The following CAMK4 variants were observed in gnomAD, a reference collection of about 807,000 sequenced individuals.
CAMK4 encodes the protein calcium/calmodulin-dependent protein kinase type IV.
CAMK4 carries 22 observed loss-of-function variants against 44.9 expected under a neutral mutation model. That is an observed-to-expected ratio of 0.49 (90% confidence interval 0.35 to 0.70). CAMK4 has a LOEUF of 0.70. Among genes scored for constraint, CAMK4 ranks in the 30% least tolerant of loss-of-function variants. The pLI, the probability that CAMK4 is intolerant of heterozygous loss-of-function variation, is 0.01. For missense variants in CAMK4, 498 were observed against 586.8 expected, an observed-to-expected ratio of 0.85 and a Z score of 1.56; for synonymous variants, 218 against 215.4, an observed-to-expected ratio of 1.01 and a Z score of -0.11.
chr5:111,353,278 G>T (rs907350150), intron 2 of CAMK4, among the ~76,000 whole-genome samples: 1 of 151,752 alleles, frequency 6.6e-6, no homozygotes, highest in Non-Finnish European at 1.5e-5. Context: ...GGTTTCTGAG[G>T]CTCAGAGAGG....
intron 1 of CAMK4, among the ~76,000 whole-genome samples, chr5:111,333,650 A>G (rs781507268): frequency 2.6e-5 from 4 of 151,718 alleles, no homozygotes; most frequent in Admixed American, 2.6e-4. Flanking sequence ...ATTTAAGCCA[A>G]TGCTTATGGA....
chr5:111,358,496 G>T (rs777312848), intron 2 of CAMK4, among the ~76,000 whole-genome samples: 1 of 151,274 alleles, frequency 6.6e-6, no homozygotes, highest in Non-Finnish European at 1.5e-5. Flanking sequence ...ATATCTAAAA[G>T]AACACATTAG....
At chr5:111,405,334 G>C (rs979119423) in intron 5 of CAMK4, among the ~76,000 whole-genome samples, 1 of 152,112 alleles carries the variant, frequency 6.6e-6, no homozygotes, top group Admixed American at 6.6e-5. Flanking sequence ...TGGGCATGGT[G>C]GTGTGCGCCT....
At chr5:111,236,092 G>A (rs1748704268) in intron 1 of CAMK4, among the ~76,000 whole-genome samples, 1 of 152,156 alleles carries the variant, frequency 6.6e-6, no homozygotes, top group South Asian at 2.1e-4. Context: ...TGTTCTCCAC[G>A]TCATTTCTGT....
At chr5:111,235,418 C>T (rs1268812688) in intron 1 of CAMK4, among the ~76,000 whole-genome samples, 2 of 152,014 alleles carry the variant, frequency 1.3e-5, no homozygotes, top group South Asian at 2.1e-4. Context: ...TCTAATAGGC[C>T]TCTAAAGGGT....
intron 2 of CAMK4, among the ~76,000 whole-genome samples, chr5:111,348,162 G>A (rs543515413): frequency 1.3e-5 from 2 of 152,056 alleles, no homozygotes; most frequent in African/African-American, 4.8e-5. Flanking sequence ...GCAATATGAA[G>A]GTCTTCTCTC....
At chr5:111,286,667 G>T (rs1751250024) in intron 1 of CAMK4, among the ~76,000 whole-genome samples, 2 of 152,102 alleles carry the variant, frequency 1.3e-5, no homozygotes, top group Non-Finnish European at 2.9e-5. Context: ...ACCTTATGCA[G>T]ATTTAGCTGC....
rs1268925554 is a variant in CAMK4 at position 111,484,555 on chromosome 5, A to G, written c.*89A>G. ...AAGGTGTGGAAGCATGATATGTACT[A>G]TAGTGATTCTGTTTTTGAGGTGCAA... On this transcript the variant is annotated 3_prime_UTR_variant, in exon 11 of 11. Coordinates refer to ENST00000282356, the MANE Select transcript of CAMK4 (RefSeq NM_001744.6). This position sits in a 1 kb window ranked among gnomAD's most constrained non-coding sequence, Gnocchi z 5.3. 3.6e-6 allele frequency: 3 copies of G among 827,992 alleles called. No individual in the cohort carries two copies. Among genetic ancestry groups the G allele is most frequent in the Non-Finnish European group, 5.2e-6 (3 of 574,396 alleles). 51.3% of individuals were successfully genotyped at this position (827,992 alleles called of 1,614,324 possible).
intron 1 of CAMK4, among the ~76,000 whole-genome samples, chr5:111,337,418 C>A (rs552241941): frequency 1.1e-4 from 17 of 150,576 alleles, no homozygotes; most frequent in African/African-American, 4.1e-4. Flanking sequence ...TATAAAACAT[C>A]GTCAAGCTGT....
intron 1 of CAMK4, among the ~76,000 whole-genome samples, chr5:111,327,044 C>A (rs567005121): frequency 1.3e-5 from 2 of 151,480 alleles, no homozygotes; most frequent in African/African-American, 4.9e-5. Flanking sequence ...TTTTAGGGTA[C>A]ATGTGCACAA....
chr5:111,395,171 C>G (rs1751951679), intron 5 of CAMK4, among the ~76,000 whole-genome samples: 1 of 129,188 alleles, frequency 7.7e-6, no homozygotes, highest in Non-Finnish European at 1.5e-5. Context: ...GGTCACGCCA[C>G]TGTACTCAAG....
chr5:111,387,898 C>G (rs184808055), intron 4 of CAMK4, among the ~76,000 whole-genome samples: 75 of 152,286 alleles, frequency 4.9e-4, no homozygotes, highest in African/African-American at 1.7e-3. Context: ...TTTTCCTTTG[C>G]TTGGTCACTA....
intron 2 of CAMK4, among the ~76,000 whole-genome samples, chr5:111,352,953 C>A (rs1470302287): frequency 6.6e-6 from 1 of 151,968 alleles, no homozygotes; most frequent in Non-Finnish European, 1.5e-5. Context: ...AAAGGATTCC[C>A]TCACATTCTA....
At chr5:111,479,460 A>G (rs1370940085) in intron 9 of CAMK4, among the ~76,000 whole-genome samples, 1 of 152,320 alleles carries the variant, frequency 6.6e-6, no homozygotes, top group South Asian at 2.1e-4. Context: ...TCATCAATCC[A>G]CTAGAGAACA....
At chr5:111,277,272 A>G (rs182786215) in intron 1 of CAMK4, among the ~76,000 whole-genome samples, 346 of 152,322 alleles carry the variant, frequency 2.3e-3, no homozygotes, top group Middle Eastern at 0.01. Flanking sequence ...ACTGGAGTCT[A>G]GTAGGAGCTG....
rs940212206 is a variant in CAMK4 at position 111,465,239 on chromosome 5, C to A, written c.626-8072C>A. Among the ~76,000 whole-genome samples the A allele has an allele frequency of 4.6e-5, 7 of 151,914 alleles. No homozygotes were observed. The East Asian group carries it at 1.3e-3, about 29-fold the overall frequency. On this transcript the variant is annotated intron_variant, in intron 7 of 10. Transcript: ENST00000282356. ...GCAAATTCATAGCCTTAAATCCCTACATCAAAAAGTCTGAAAGAGCACAAA... is the reference window on the plus strand; with the variant it reads ...GCAAATTCATAGCCTTAAATCCCTAAATCAAAAAGTCTGAAAGAGCACAAA...
chr5:111,484,723 A>G lies in CAMK4; in HGVS notation c.*257A>G. ...GCAAGTTAACACAACGTAACACTTAAAAGCATACATTTTCAGCAACCAGTG... is the reference window on the plus strand; with the variant it reads ...GCAAGTTAACACAACGTAACACTTAGAAGCATACATTTTCAGCAACCAGTG... On this transcript the variant is annotated 3_prime_UTR_variant, in exon 11 of 11. Coordinates refer to ENST00000282356, the MANE Select transcript of CAMK4 (RefSeq NM_001744.6). This position sits in a 1 kb window ranked among gnomAD's most constrained non-coding sequence, Gnocchi z 5.3. The G allele has an allele frequency of 3.1e-6, 1 of 322,074 alleles. No individual in the cohort carries two copies. The allele number at this position is 322,074 out of a possible 1,614,324, so 20.0% of individuals were successfully genotyped here.
At chr5:111,332,224 T>TC (rs1343287894) in intron 1 of CAMK4, among the ~76,000 whole-genome samples, 2 of 63,176 alleles carry the variant, frequency 3.2e-5, no homozygotes, top group African/African-American at 5.7e-5. Context: ...ATGCTATCCC[T>TC]CCCCCCTCCC....
intron 6 of CAMK4, among the ~76,000 whole-genome samples, chr5:111,447,580 A>T (rs3797738): frequency 0.81 from 122,883 of 152,166 alleles, 50,068 homozygotes; most frequent in African/African-American, 0.85. Flanking sequence ...TTACTTTCCA[A>T]GTATCTTCCA....
Sources: gnomAD v4.1 joint callset for allele counts (sites outside exome capture counted in the v4.1 genomes callset) on GRCh38, gnomAD v4.1.1 for gene constraint, Gnocchi (gnomAD v3.1) non-coding constraint, MANE v1.5 for transcripts, NCBI Gene and HGNC (gene_info 2026-07-23, HGNC 2026-07-21) for gene names.